USP10: variants seen among roughly 807,000 people sequenced by gnomAD.
USP10 encodes the protein ubiquitin carboxyl-terminal hydrolase 10.
USP10 carries 22 observed loss-of-function variants against 84.5 expected under a neutral mutation model. That is an observed-to-expected ratio of 0.26 (90% CI 0.19 to 0.37). The LOEUF (loss-of-function observed/expected upper bound fraction) is 0.37, where lower values mean the gene tolerates loss of function less well. USP10 is among the 10% of genes least tolerant of loss of function. USP10 has a pLI of 1.00. For missense variants in USP10, 1,019 were observed against 998.9 expected, an observed-to-expected ratio of 1.02 and a Z score of -0.27; for synonymous variants, 454 against 387.6, an observed-to-expected ratio of 1.17 and a Z score of -2.01.
intron 1 of USP10, among the ~76,000 whole-genome samples, chr16:84,714,888 G>T (rs1263530045): frequency 6.7e-6 from 1 of 149,666 alleles, no homozygotes; most frequent in African/African-American, 2.4e-5. Context: ...CATATGAAAT[G>T]TTTGAAAAAT....
intron 1 of USP10, among the ~76,000 whole-genome samples, chr16:84,725,191 C>T (rs960478063): frequency 7.9e-5 from 12 of 152,172 alleles, no homozygotes; most frequent in African/African-American, 2.9e-4. Flanking sequence ...GTCACCGCCT[C>T]CCGCTCCCCC....
chr16:84,768,029 A>T (rs1255212836), intron 10 of USP10, among the ~76,000 whole-genome samples, 164 bp from the exon 11 acceptor site: 1 of 152,138 alleles, frequency 6.6e-6, no homozygotes, highest in African/African-American at 2.4e-5. Flanking sequence ...GCACATCTTC[A>T]GCAGAATTAT....
intron 12 of USP10, among the ~76,000 whole-genome samples, chr16:84,773,769 G>A (rs1423341817): frequency 1.3e-5 from 2 of 152,128 alleles, no homozygotes; most frequent in Non-Finnish European, 2.9e-5. Context: ...TCTATCCATC[G>A]GGAAACCTGG....
At position 84,745,555 on chromosome 16, in the gene USP10, C is replaced by G; in HGVS notation, c.1074C>G (p.Ala358=). The G allele has an allele frequency of 6.2e-7, 1 of 1,611,830 alleles. No individual in the cohort carries two copies. The highest frequency in any genetic ancestry group is 2.2e-5 in the East Asian group (1 of 44,844). The change falls in exon 4 of 14, where the codon GCC becomes GCG. Residue 358 remains alanine, a synonymous_variant. Transcript: ENST00000219473. ...AGCCCTCTTCCTCCTCGCCGGTGGCCTATGTGGAAACTAAGTATTCCCCTC... is the reference window on the plus strand; with the variant it reads ...AGCCCTCTTCCTCCTCGCCGGTGGCGTATGTGGAAACTAAGTATTCCCCTC... The part of the protein sequence containing the change: ...DSKPSSSSPV[A]YVETKYSPPA...
At chr16:84,724,924 G>C (rs145428703) in intron 1 of USP10, among the ~76,000 whole-genome samples, 4 of 152,300 alleles carry the variant, frequency 2.6e-5, no homozygotes, top group African/African-American at 9.6e-5. Context: ...TTGTTCAGTA[G>C]ATATCAGCTA....
rs904139530 is a variant in USP10 at position 84,723,079 on chromosome 16, G to A, written c.22-10356G>A. Among the ~76,000 whole-genome samples the A allele has an allele frequency of 2.6e-5, 4 of 152,026 alleles. No homozygotes were observed. The East Asian group carries it at 7.7e-4, about 29-fold the overall frequency. On this transcript the variant is annotated intron_variant, in intron 1 of 13. Transcript: ENST00000219473. ...TGGTCTTATTTGAGGGTCAAAGATGGGGGGTGGGGAATAAAGTCGATTTTA... is the reference window on the plus strand; with the variant it reads ...TGGTCTTATTTGAGGGTCAAAGATGAGGGGTGGGGAATAAAGTCGATTTTA...
intron 1 of USP10, among the ~76,000 whole-genome samples, chr16:84,728,716 TTTGTA>T (rs1348418031): frequency 6.6e-6 from 1 of 152,234 alleles, no homozygotes; most frequent in Non-Finnish European, 1.5e-5. Flanking sequence ...ATTTTCCCTT[TTTGTA>T]GTTTTATCAG....
intron 2 of USP10, among the ~76,000 whole-genome samples, chr16:84,737,684 C>T (rs80086851): frequency 6.6e-6 from 1 of 152,222 alleles, no homozygotes; most frequent in Non-Finnish European, 1.5e-5. Flanking sequence ...GTGCCTCTTA[C>T]TGGCAGTGTC....
chr16:84,733,948 T>C (rs1909569818), intron 2 of USP10, among the ~76,000 whole-genome samples: 1 of 152,264 alleles, frequency 6.6e-6, no homozygotes, highest in East Asian at 1.9e-4. Flanking sequence ...TTCTTTATGC[T>C]AAGAAATTTG....
At chr16:84,760,320 G>T (rs376290801) in intron 8 of USP10, 45 bp downstream of exon 8, 2 of 1,514,566 alleles carry the variant, frequency 1.3e-6, no homozygotes, top group Non-Finnish European at 1.8e-6. Flanking sequence ...GTTGCCTTTT[G>T]TTCCAGTGTT....
At chr16:84,759,980 A>C (rs772753646) in intron 7 of USP10, 34 bp downstream of exon 7, 4 of 1,609,620 alleles carry the variant, frequency 2.5e-6, no homozygotes, top group Middle Eastern at 1.6e-4. Flanking sequence ...ATGCTATTAC[A>C]TATTGGGAGT....
chr16:84,732,188 A>G (rs1045712414), intron 1 of USP10, among the ~76,000 whole-genome samples: 3 of 152,230 alleles, frequency 2.0e-5, no homozygotes, highest in African/African-American at 7.2e-5. Context: ...ATTTACAATA[A>G]TAATGAGTAT....
At chr16:84,738,915 C>T (rs933318771) in intron 2 of USP10, among the ~76,000 whole-genome samples, 11 of 152,212 alleles carry the variant, frequency 7.2e-5, no homozygotes, top group South Asian at 2.1e-4. Flanking sequence ...CTGAACTTTG[C>T]GGCCCTAGGG....
intron 2 of USP10, among the ~76,000 whole-genome samples, chr16:84,734,219 G>A (rs1179984467): frequency 6.6e-6 from 1 of 151,940 alleles, no homozygotes; most frequent in Admixed American, 6.5e-5. Context: ...GATTTTAACA[G>A]TCTTCATTCC....
At position 84,772,698 on chromosome 16, in the gene USP10, TA is replaced by T; in HGVS notation, c.2143+15del. 6.2e-7 allele frequency: 1 copy of T among 1,613,880 alleles called. No individual in the cohort carries two copies. Among genetic ancestry groups the T allele is most frequent in the South Asian group, 1.1e-5 (1 of 91,086 alleles). The stretch of plus-strand genomic sequence containing the variant: ...GAAATTAGTAAAGGTAATGCATACA[TA>T]AGGTCGGGAGTGTTCGTGGTGACAC... On this transcript the variant is annotated intron_variant, in intron 12 of 13. Transcript: ENST00000219473.
chr16:84,741,083 T>C (rs538108132), intron 3 of USP10, among the ~76,000 whole-genome samples: 2 of 152,362 alleles, frequency 1.3e-5, no homozygotes, highest in Admixed American at 6.5e-5. Context: ...GATGCCAAAC[T>C]TTTTCTTTGA....
intron 1 of USP10, among the ~76,000 whole-genome samples, chr16:84,723,350 T>C (rs1908057697): frequency 6.6e-6 from 1 of 152,214 alleles, no homozygotes; most frequent in Non-Finnish European, 1.5e-5. Context: ...TTAAGTGTTA[T>C]ACTTTAAAAA....
chr16:84,736,621 G>C (rs527812892), intron 2 of USP10, among the ~76,000 whole-genome samples: 1 of 152,330 alleles, frequency 6.6e-6, no homozygotes, highest in South Asian at 2.1e-4. Flanking sequence ...AAGAGAAAAT[G>C]CTCACCATTC....
In USP10 at chr16:84,779,840, G is replaced by C. The variant is rs1915380596; in HGVS notation, c.*758G>C. ...CTGCTGTCTGCTCTTCTCTAATGCT[G>C]CGTCCCTAATTGTACACAGTTTAGT... On this transcript the variant is annotated 3_prime_UTR_variant, in exon 14 of 14. Coordinates refer to ENST00000219473, the MANE Select transcript of USP10 (RefSeq NM_005153.3). 6.6e-6 allele frequency: 1 copy of C among 152,392 alleles called. No homozygotes were observed. Among genetic ancestry groups the C allele is most frequent in the Non-Finnish European group, 1.5e-5 (1 of 68,040 alleles). The allele number at this position is 152,392 out of a possible 1,614,324, so 9.4% of individuals were successfully genotyped here. A position where few individuals can be genotyped will look rare whatever the true frequency, so the allele number is the denominator to read the frequency against.
Sources: gnomAD v4.1 joint callset for allele counts (sites outside exome capture counted in the v4.1 genomes callset) on GRCh38, gnomAD v4.1.1 for gene constraint, MANE v1.5 for transcripts, NCBI Gene and HGNC (gene_info 2026-07-23, HGNC 2026-07-21) for gene names.